The following UQCC1 variants were observed in gnomAD, a reference collection of about 807,000 sequenced individuals.
UQCC1 encodes the protein bFGF-repressed Zic-binding protein.
UQCC1 carries 38 observed loss-of-function variants against 48.0 expected under a neutral mutation model. The observed-to-expected ratio is 0.79, with a 90% confidence interval of 0.61 to 1.04. The LOEUF is 1.04. UQCC1 is among the 50% of genes least tolerant of loss of function. The pLI is 0.00. For missense variants in UQCC1, 368 were observed against 381.8 expected (o/e 0.96, Z 0.30); for synonymous variants, 111 against 129.2 (o/e 0.86, Z 0.95).
intron 6 of UQCC1, among the ~76,000 whole-genome samples, chr20:35,357,242 C>T (rs1195063883): frequency 6.6e-6 from 1 of 152,052 alleles, no homozygotes; most frequent in South Asian, 2.1e-4. Flanking sequence ...AAAATTAGGC[C>T]GGGCGCAGTG....
chr20:35,355,169 A>G (rs868275345), intron 6 of UQCC1, among the ~76,000 whole-genome samples: 1 of 152,192 alleles, frequency 6.6e-6, no homozygotes, highest in African/African-American at 2.4e-5. Context: ...CCAGATGGGA[A>G]TTGTTATTTT....
At chr20:35,306,810 G>C in intron 8 of UQCC1, 31 bp from the exon 9 acceptor site, 2 of 1,549,044 alleles carry the variant, frequency 1.3e-6, no homozygotes, top group Non-Finnish European at 1.8e-6. Context: ...GTGGTCTCCT[G>C]AGGGATCCAC....
chr20:35,374,343 T>C (rs958587554), intron 4 of UQCC1, 87 bp from the exon 5 acceptor site: 4 of 1,027,774 alleles, frequency 3.9e-6, no homozygotes, highest in Non-Finnish European at 4.4e-6. Context: ...ATCTTATATT[T>C]CTTCAACTAG....
intron 1 of UQCC1, among the ~76,000 whole-genome samples, chr20:35,395,317 T>C (rs2062061450): frequency 6.6e-6 from 1 of 152,100 alleles, no homozygotes; most frequent in African/African-American, 2.4e-5. Flanking sequence ...AGTCACCTTA[T>C]TAACATAAAC....
chr20:35,376,973 A>C lies in UQCC1; in HGVS notation c.334-2717T>G, dbSNP rs199921391. On this transcript the variant is annotated intron_variant, in intron 4 of 9. Coordinates refer to ENST00000374385, the MANE Select transcript of UQCC1 (RefSeq NM_018244.5). ...CAAAACAAAACAAAACAAAACAAAA[A>C]AAAAAAGAAAAAGAAAAGGAAAAAA... Among the ~76,000 whole-genome samples, 589 of 151,828 alleles carry C rather than the reference A, an allele frequency of 3.9e-3. 3 individuals carry two copies. The highest frequency in any genetic ancestry group is 0.012 in the African/African-American group (497 of 41,374).
intron 7 of UQCC1, among the ~76,000 whole-genome samples, chr20:35,341,031 C>A (rs540338840): frequency 6.6e-6 from 1 of 151,988 alleles, no homozygotes; most frequent in South Asian, 2.1e-4. Flanking sequence ...GAGTTCGAGA[C>A]CAGTCGGGCT....
At chr20:35,401,943 G>A (rs1230270812) in intron 1 of UQCC1, among the ~76,000 whole-genome samples, 1 of 151,978 alleles carries the variant, frequency 6.6e-6, no homozygotes, top group Non-Finnish European at 1.5e-5. Context: ...TTACAGGCAT[G>A]AGCCACCATG....
At chr20:35,343,307 T>G (rs913028488) in intron 7 of UQCC1, among the ~76,000 whole-genome samples, 1 of 152,170 alleles carries the variant, frequency 6.6e-6, no homozygotes, top group Non-Finnish European at 1.5e-5. Flanking sequence ...TCCCCACCTT[T>G]CTTTTAATAC....
At chr20:35,380,368 T>C (rs755149479) in intron 4 of UQCC1, among the ~76,000 whole-genome samples, 1 of 152,218 alleles carries the variant, frequency 6.6e-6, no homozygotes, top group East Asian at 1.9e-4. Context: ...AAGAACATCA[T>C]TGTCAGTATT....
intron 7 of UQCC1, among the ~76,000 whole-genome samples, chr20:35,324,327 T>C (rs975638704): frequency 6.6e-6 from 1 of 151,978 alleles, no homozygotes; most frequent in Non-Finnish European, 1.5e-5. Flanking sequence ...CAGCTAATTT[T>C]TTTTTCTTTT....
At chr20:35,392,906 T>G (rs2062030075) in intron 2 of UQCC1, among the ~76,000 whole-genome samples, 3 of 151,884 alleles carry the variant, frequency 2.0e-5, no homozygotes, top group African/African-American at 7.2e-5. Flanking sequence ...AAATCATAAA[T>G]TGGTAAGAAA....
intron 7 of UQCC1, among the ~76,000 whole-genome samples, chr20:35,330,920 T>G (rs1431443952): frequency 6.6e-6 from 1 of 152,128 alleles, no homozygotes; most frequent in African/African-American, 2.4e-5. Flanking sequence ...TGGTGAGTGT[T>G]TTTCAGTTCT....
At chr20:35,349,819 G>A (rs967771199) in intron 6 of UQCC1, among the ~76,000 whole-genome samples, 1 of 152,032 alleles carries the variant, frequency 6.6e-6, no homozygotes, top group South Asian at 2.1e-4. Flanking sequence ...CAACACAGTT[G>A]GACCCCGATT....
At chr20:35,338,873 A>T (rs2061343502) in intron 7 of UQCC1, among the ~76,000 whole-genome samples, 1 of 69,424 alleles carries the variant, frequency 1.4e-5, no homozygotes, top group Non-Finnish European at 2.5e-5. Flanking sequence ...AAAAAAAAAA[A>T]AAAAAAAAAA....
chr20:35,304,142 G>A, intron 9 of UQCC1, 73 bp from the exon 10 acceptor site: 1 of 1,598,332 alleles, frequency 6.3e-7, no homozygotes, highest in Non-Finnish European at 8.6e-7. Flanking sequence ...TCAGGAACCA[G>A]CCTCCCAGAG....
At chr20:35,338,942 T>G (rs888829448) in intron 7 of UQCC1, among the ~76,000 whole-genome samples, 34 of 124,636 alleles carry the variant, frequency 2.7e-4, no homozygotes, top group African/African-American at 1.1e-3. Flanking sequence ...TACCTGAGCC[T>G]CTTCACAGAC....
At chr20:35,364,872 A>C (rs2061649018) in intron 6 of UQCC1, among the ~76,000 whole-genome samples, 1 of 152,196 alleles carries the variant, frequency 6.6e-6, no homozygotes, top group Non-Finnish European at 1.5e-5. Context: ...TGATACCTCT[A>C]GCTATATGGG....
chr20:35,361,700 A>ATTCTAACTAC (rs1845494832), intron 6 of UQCC1, among the ~76,000 whole-genome samples: 5 of 152,198 alleles, frequency 3.3e-5, no homozygotes, highest in Admixed American at 3.3e-4. Flanking sequence ...TCTCCACCAC[A>ATTCTAACTAC]TTCTAACTAC....
At chr20:35,410,716 A>AAAAAAAAAAAAAAAAAAAAC (rs1370852913) in intron 1 of UQCC1, among the ~76,000 whole-genome samples, 10 of 108,760 alleles carry the variant, frequency 9.2e-5, no homozygotes, top group South Asian at 4.3e-4. Context: ...AAAAAAAAAA[A>AAAAAAAAAAAAAAAAAAAAC]AAAAAAAACA....
Sources: allele counts gnomAD v4.1 joint callset (sites outside exome capture counted in the v4.1 genomes callset), GRCh38; gene constraint gnomAD v4.1.1; transcripts MANE v1.5; gene names NCBI Gene and HGNC (gene_info 2026-07-23, HGNC 2026-07-21).